The following ARMH4 variants were observed in gnomAD, a reference collection of about 807,000 sequenced individuals.
ARMH4 encodes the protein armadillo-like helical domain-containing protein 4.
Under a neutral mutation model 61.9 loss-of-function variants are expected in ARMH4, and 49 were observed. That is an observed-to-expected ratio of 0.79 (90% CI 0.63 to 1.00). ARMH4 has a LOEUF of 1.00. ARMH4 is among the 50% of genes least tolerant of loss of function. ARMH4 has a pLI of 0.00. For synonymous variants in ARMH4, 368 were observed against 341.5 expected (o/e 1.08, Z -0.85); for missense variants, 934 against 930.0 (o/e 1.00, Z -0.06).
Position 58,004,588 on chromosome 14 carries a change from G to GA in ARMH4, c.*147dup. On this transcript the variant is annotated 3_prime_UTR_variant, in exon 8 of 8. Transcript: ENST00000267485. The stretch of plus-strand genomic sequence containing the variant: ...AACATGCCATTTCTGCTCAGTACAA[G>GA]AAAAATCTACTACCCAGCACCCAGC... 1 of 659,958 alleles carries GA rather than the reference G, an allele frequency of 1.5e-6. No individual in the cohort carries two copies. 40.9% of individuals were successfully genotyped at this position (659,958 alleles called of 1,614,324 possible). A position where few individuals can be genotyped will look rare whatever the true frequency, so the allele number is the denominator to read the frequency against.
chr14:58,056,135 C>T (rs1006588681), intron 5 of ARMH4, among the ~76,000 whole-genome samples: 1 of 152,152 alleles, frequency 6.6e-6, no homozygotes, highest in African/African-American at 2.4e-5. Flanking sequence ...AGAGGGAGTG[C>T]CACCATAGGA....
At chr14:58,061,008 C>T (rs1457119056) in intron 5 of ARMH4, among the ~76,000 whole-genome samples, 1 of 152,166 alleles carries the variant, frequency 6.6e-6, no homozygotes, top group Non-Finnish European at 1.5e-5. Flanking sequence ...ACAGAAGCAG[C>T]CTGCATCAAT....
At chr14:58,099,205 T>G (rs1248945591) in intron 4 of ARMH4, among the ~76,000 whole-genome samples, 3 of 152,204 alleles carry the variant, frequency 2.0e-5, no homozygotes, top group Non-Finnish European at 4.4e-5. Flanking sequence ...AGATAAATTT[T>G]GGGAATTGTC....
At chr14:58,132,753 T>C (rs1224159837) in intron 3 of ARMH4, among the ~76,000 whole-genome samples, 1 of 151,534 alleles carries the variant, frequency 6.6e-6, no homozygotes, top group Non-Finnish European at 1.5e-5. Flanking sequence ...GCCTGGGTAA[T>C]TTTTTGTATT....
intron 2 of ARMH4, among the ~76,000 whole-genome samples, chr14:58,137,105 C>T (rs1190472445): frequency 6.6e-6 from 1 of 152,102 alleles, no homozygotes; most frequent in African/African-American, 2.4e-5. Context: ...TATATTTATA[C>T]ATTTTCATAG....
intron 5 of ARMH4, among the ~76,000 whole-genome samples, chr14:58,040,314 C>T (rs190144690): frequency 1.3e-5 from 2 of 152,258 alleles, no homozygotes; most frequent in African/African-American, 4.8e-5. Context: ...TCCCTCCTCC[C>T]ACCCTCCACC....
rs916353942 is a variant in ARMH4 at position 58,073,431 on chromosome 14, C to T, written c.2089+23293G>A. Among the ~76,000 whole-genome samples the T allele has an allele frequency of 2.6e-5, 4 of 152,118 alleles. No individual in the cohort carries two copies. In the East Asian group the frequency reaches 7.7e-4, roughly 29 times the overall value. On this transcript the variant is annotated intron_variant, in intron 5 of 7. Transcript: ENST00000267485. ...ACTCAAACATATCCCAAGCTGCTGTCCTCTTTATCAGGTTGTTCTATTACT... is the reference window on the plus strand; with the variant it reads ...ACTCAAACATATCCCAAGCTGCTGTTCTCTTTATCAGGTTGTTCTATTACT...
intron 5 of ARMH4, among the ~76,000 whole-genome samples, chr14:58,043,335 C>T (rs1184541669): frequency 2.0e-5 from 3 of 152,038 alleles, no homozygotes; most frequent in Non-Finnish European, 4.4e-5. Context: ...AGCATATAAA[C>T]AGAACCAATG....
intron 4 of ARMH4, among the ~76,000 whole-genome samples, chr14:58,125,271 C>A (rs1275059734): frequency 6.6e-6 from 1 of 151,992 alleles, no homozygotes; most frequent in Non-Finnish European, 1.5e-5. Flanking sequence ...GAATAGGGAA[C>A]CTCATGAGGA....
chr14:58,095,273 G>A (rs894419924), intron 5 of ARMH4, among the ~76,000 whole-genome samples: 1 of 152,162 alleles, frequency 6.6e-6, no homozygotes, highest in Non-Finnish European at 1.5e-5. Flanking sequence ...CTGAAAGGCT[G>A]TTTAACTGTA....
intron 4 of ARMH4, among the ~76,000 whole-genome samples, chr14:58,112,087 T>C (rs1446311032): frequency 6.6e-6 from 1 of 152,130 alleles, no homozygotes; most frequent in Non-Finnish European, 1.5e-5. Flanking sequence ...AGACCCTGTC[T>C]CCAAATACAA....
chr14:58,120,407 T>C (rs1343704998), intron 4 of ARMH4, among the ~76,000 whole-genome samples: 2 of 152,082 alleles, frequency 1.3e-5, no homozygotes, highest in Non-Finnish European at 2.9e-5. Context: ...ATCCAGTGTT[T>C]TTCTAGGATG....
rs573569128 is a variant in ARMH4, at chr14:58,119,648, G to A, written c.1831+11864C>T. Among the ~76,000 whole-genome samples, 51 of 152,312 alleles carry A rather than the reference G, an allele frequency of 3.3e-4. 1 individual carries two copies. Among genetic ancestry groups the A allele is most frequent in the Admixed American group, 2.0e-3 (31 of 15,306 alleles). Reference sequence around the variant, plus strand: ...GTCAGAACAAATCCTTTTGCCAGGAGTCTGAACATCATCCTCAAAAACGAC... The same window carrying A: ...GTCAGAACAAATCCTTTTGCCAGGAATCTGAACATCATCCTCAAAAACGAC... On this transcript the variant is annotated intron_variant, in intron 4 of 7. Transcript: ENST00000267485.
chr14:58,078,171 C>T (rs1241240044), intron 5 of ARMH4, among the ~76,000 whole-genome samples: 1 of 152,198 alleles, frequency 6.6e-6, no homozygotes, highest in Admixed American at 6.5e-5. Flanking sequence ...ACCAGCAGGG[C>T]AGGGCAAAAG....
chr14:58,040,658 A>G (rs1356370245), intron 5 of ARMH4, among the ~76,000 whole-genome samples: 1 of 152,184 alleles, frequency 6.6e-6, no homozygotes, highest in Non-Finnish European at 1.5e-5. Context: ...AGAATGATAT[A>G]CATTCCTTTG....
At chr14:58,120,809 G>A (rs916326491) in intron 4 of ARMH4, among the ~76,000 whole-genome samples, 20 of 152,158 alleles carry the variant, frequency 1.3e-4, no homozygotes, top group Admixed American at 6.5e-5. Context: ...ATCTAGCTTC[G>A]TTAATGGAGA....
intron 1 of ARMH4, among the ~76,000 whole-genome samples, chr14:58,149,330 T>C (rs537416233): frequency 5.7e-4 from 86 of 152,132 alleles, no homozygotes; most frequent in Non-Finnish European, 1.1e-3. Context: ...TCACCATAAA[T>C]TAAATAGCTG....
Position 58,118,553 on chromosome 14 carries a change from G to GA in ARMH4, c.1831+12958dup, listed in dbSNP as rs374250727. ...GAGAAGTTTACCCTTTACATAGGGG[G>GA]AAAAAAAAAAGCCAAGCACTGAGGT... On this transcript the variant is annotated intron_variant, in intron 4 of 7. Transcript: ENST00000267485. Among the ~76,000 whole-genome samples the GA allele has an allele frequency of 1.7e-3, 245 of 147,378 alleles. 2 individuals carry two copies. The highest frequency in any genetic ancestry group is 5.7e-3 in the African/African-American group (230 of 40,136).
chr14:58,090,125 T>C (rs939159764), intron 5 of ARMH4, among the ~76,000 whole-genome samples: 3 of 152,182 alleles, frequency 2.0e-5, no homozygotes, highest in African/African-American at 7.2e-5. Flanking sequence ...AAGTGTCCAT[T>C]CCAATGTTAG....
Sources: allele counts gnomAD v4.1 joint callset (sites outside exome capture counted in the v4.1 genomes callset), GRCh38; gene constraint gnomAD v4.1.1; transcripts MANE v1.5; gene names NCBI Gene and HGNC (gene_info 2026-07-23, HGNC 2026-07-21).